The following SAXO5 variants were observed in gnomAD, a reference collection of about 807,000 sequenced individuals.
The protein encoded by SAXO5 is testis expressed 45.
the SAXO5 span, among the ~76,000 whole-genome samples, chr19:7,499,118 C>G: frequency 1.3e-5 from 2 of 151,936 alleles, no homozygotes; most frequent in African/African-American, 4.8e-5. Flanking sequence ...TCGAGACCAG[C>G]CTGACCAATG....
chr19:7,500,859 T>C, the SAXO5 span: 2 of 1,545,252 alleles, frequency 1.3e-6, no homozygotes, highest in Admixed American at 1.9e-5. Context: ...CTCGCGCCCG[T>C]GCCCGATGTC....
the SAXO5 span, among the ~76,000 whole-genome samples, chr19:7,507,383 G>T: frequency 6.6e-6 from 1 of 152,108 alleles, no homozygotes; most frequent in African/African-American, 2.4e-5. Flanking sequence ...AGGAGTTCGA[G>T]ACCAGCCTGG....
At chr19:7,501,859 AAGAGAG>A in the SAXO5 span, among the ~76,000 whole-genome samples, 2 of 145,668 alleles carry the variant, frequency 1.4e-5, no homozygotes, top group East Asian at 2.1e-4. Flanking sequence ...AGAAAGAAGA[AAGAGAG>A]AGAGAGAGAG....
the SAXO5 span, chr19:7,506,830 ACCTCTTTCCCAGCTCCTC>A: frequency 2.7e-4 from 98 of 360,388 alleles, no homozygotes; most frequent in African/African-American, 2.6e-3. Flanking sequence ...CCCAGCGCCT[ACCTCTTTCCCAGCTCCTC>A]CCTCTTTCCC....
chr19:7,501,074 C>T, the SAXO5 span: 2 of 1,500,518 alleles, frequency 1.3e-6, no homozygotes, highest in East Asian at 2.7e-5. Flanking sequence ...AGGCGCACCG[C>T]GCGTTCCCGC....
chr19:7,504,660 T>C, the SAXO5 span, among the ~76,000 whole-genome samples: 2 of 150,698 alleles, frequency 1.3e-5, no homozygotes, highest in African/African-American at 4.9e-5. Context: ...GAGCCAAGAT[T>C]GCACCACTGC....
the SAXO5 span, chr19:7,504,097 C>CA: frequency 2.5e-6 from 2 of 797,176 alleles, no homozygotes; most frequent in African/African-American, 3.4e-5. Flanking sequence ...TCTCTCTCCC[C>CA]CCATCCCCCT....
chr19:7,508,231 C>T, the SAXO5 span: 1 of 1,613,864 alleles, frequency 6.2e-7, no homozygotes, highest in Non-Finnish European at 8.5e-7. Context: ...ATGGAGCCCC[C>T]TCTGGGTGGA....
At chr19:7,504,429 C>T in the SAXO5 span, 106 of 1,593,390 alleles carry the variant, frequency 6.7e-5, 2 homozygotes, top group South Asian at 6.9e-4. Flanking sequence ...GGGGCCACTG[C>T]GGGCACGGTG....
the SAXO5 span, chr19:7,506,518 A>C: frequency 2.7e-6 from 1 of 373,646 alleles, no homozygotes. Flanking sequence ...ATCCAGTCTT[A>C]ACTCCTCTTC....
chr19:7,498,393 C>CTTTT, the SAXO5 span, among the ~76,000 whole-genome samples: 7 of 115,352 alleles, frequency 6.1e-5, no homozygotes, highest in Non-Finnish European at 1.0e-4. Flanking sequence ...GTATTTTTTT[C>CTTTT]TTTTTTTTTT....
At chr19:7,506,981 C>T in the SAXO5 span, 13 of 1,252,900 alleles carry the variant, frequency 1.0e-5, no homozygotes, top group African/African-American at 1.8e-4. Context: ...TGAACCCTTC[C>T]CTTGAACTTC....
the SAXO5 span, chr19:7,508,262 A>AT: frequency 3.1e-6 from 5 of 1,613,880 alleles, no homozygotes; most frequent in East Asian, 8.9e-5. Flanking sequence ...TCTCAACACA[A>AT]TACAAGGACG....
chr19:7,507,264 C>G, the SAXO5 span: 1 of 796,728 alleles, frequency 1.3e-6, no homozygotes, highest in East Asian at 2.6e-5. Context: ...TCGGGGGCAT[C>G]TTAATATCCC....
the SAXO5 span, chr19:7,506,796 T>A: frequency 7.8e-5 from 27 of 345,920 alleles, no homozygotes; most frequent in East Asian, 3.3e-4. Context: ...GGCTCCTTCC[T>A]CCTCCCCCAC....
the SAXO5 span, chr19:7,506,062 C>A: frequency 6.2e-7 from 1 of 1,613,818 alleles, no homozygotes; most frequent in South Asian, 1.1e-5. Flanking sequence ...AACGCTTCTT[C>A]AAGACCACCA....
the SAXO5 span, chr19:7,508,391 C>G: frequency 1.2e-6 from 2 of 1,613,096 alleles, no homozygotes; most frequent in Middle Eastern, 1.7e-4. Context: ...ACCCTCTGGT[C>G]CCCCAGCCCC....
At chr19:7,507,062 A>G in the SAXO5 span, 3 of 1,613,808 alleles carry the variant, frequency 1.9e-6, no homozygotes, top group South Asian at 3.3e-5. Context: ...CCAGAATTCG[A>G]TTTTTTAACC....
At chr19:7,501,205 C>G in the SAXO5 span, 2 of 1,541,486 alleles carry the variant, frequency 1.3e-6, no homozygotes, top group Non-Finnish European at 1.7e-6. Context: ...CTCTCCAACG[C>G]GCACGCCGCC....
Sources: allele counts gnomAD v4.1 joint callset (sites outside exome capture counted in the v4.1 genomes callset), GRCh38; gene constraint gnomAD v4.1.1; transcripts MANE v1.5; gene names NCBI Gene and HGNC (gene_info 2026-07-23, HGNC 2026-07-21).